KIF26B: variants seen among roughly 807,000 people sequenced by gnomAD.
KIF26B encodes kinesin-like protein KIF26B.
A neutral mutation model predicts 151.2 loss-of-function variants in KIF26B; 63 were observed. That is an observed-to-expected ratio of 0.42 (90% CI 0.34 to 0.51). KIF26B has a LOEUF of 0.51. Ranked by LOEUF, KIF26B falls within the 20% of genes least tolerant of loss-of-function variation. KIF26B has a pLI of 0.07. For synonymous variants in KIF26B, 1,357 were observed against 1,262.1 expected (o/e 1.08, Z -1.59); for missense variants, 2,813 against 2,913.6 (o/e 0.97, Z 0.79).
chr1:245,256,964 A>G (rs1182457695), intron 2 of KIF26B, among the ~76,000 whole-genome samples: 1 of 152,196 alleles, frequency 6.6e-6, no homozygotes, highest in Non-Finnish European at 1.5e-5. Flanking sequence ...CTGATCCAGT[A>G]GAGAATTAAC....
At position 245,702,368 on chromosome 1, in the gene KIF26B, T is replaced by G; in HGVS notation, c.6179-90T>G. On this transcript the variant is annotated intron_variant, in intron 14 of 14. Transcript: ENST00000407071. The surrounding 1 kb of genome is among the most constrained non-coding windows in gnomAD (Gnocchi z 4.1). Reference sequence around the variant, plus strand: ...CTAGACCTTTAGACCAAGGGGTAGATGTGGGGGTGGCAGCTCCAGGCTGAG... The same window carrying G: ...CTAGACCTTTAGACCAAGGGGTAGAGGTGGGGGTGGCAGCTCCAGGCTGAG... The G allele has an allele frequency of 7.0e-7, 1 of 1,418,838 alleles. No individual in the cohort carries two copies. The highest frequency in any genetic ancestry group is 9.8e-7 in the Non-Finnish European group (1 of 1,017,278). The allele number at this position is 1,418,838 out of a possible 1,614,324, so 87.9% of individuals were successfully genotyped here.
intron 5 of KIF26B, among the ~76,000 whole-genome samples, chr1:245,592,004 G>A (rs1368794223): frequency 1.3e-5 from 2 of 152,162 alleles, no homozygotes; most frequent in African/African-American, 2.4e-5. Context: ...TGACAGACTC[G>A]TGTTGATGAA....
chr1:245,263,506 A>G (rs1670687035), intron 2 of KIF26B, among the ~76,000 whole-genome samples: 1 of 152,224 alleles, frequency 6.6e-6, no homozygotes, highest in Non-Finnish European at 1.5e-5. Flanking sequence ...AGAGATACGC[A>G]GATACATCTC....
At chr1:245,511,424 T>C (rs1031038276) in intron 4 of KIF26B, among the ~76,000 whole-genome samples, 1 of 152,202 alleles carries the variant, frequency 6.6e-6, no homozygotes, top group African/African-American at 2.4e-5. Context: ...GAACTGACAG[T>C]CATTGCTATA....
At chr1:245,373,829 A>G (rs1425991333) in intron 3 of KIF26B, among the ~76,000 whole-genome samples, 2 of 151,646 alleles carry the variant, frequency 1.3e-5, no homozygotes, top group Non-Finnish European at 2.9e-5. Context: ...TGGGAGGCCA[A>G]GGTGAGAACT....
At chr1:245,567,410 C>G (rs1187558578) in intron 5 of KIF26B, among the ~76,000 whole-genome samples, 2 of 152,174 alleles carry the variant, frequency 1.3e-5, no homozygotes, top group Non-Finnish European at 2.9e-5. Flanking sequence ...CCTTCCCAAA[C>G]AGTGGGCAAC....
intron 3 of KIF26B, among the ~76,000 whole-genome samples, chr1:245,412,425 T>C (rs1439174016): frequency 6.6e-6 from 1 of 152,194 alleles, no homozygotes; most frequent in Non-Finnish European, 1.5e-5. Flanking sequence ...AAACGGATAC[T>C]GTTTGGTGTT....
intron 2 of KIF26B, among the ~76,000 whole-genome samples, chr1:245,213,642 A>G (rs1343771404): frequency 6.6e-6 from 1 of 152,212 alleles, no homozygotes; most frequent in Non-Finnish European, 1.5e-5. Context: ...GAGCCTGGGC[A>G]GTCAATCACC....
rs4021193 is a variant in KIF26B at position 245,510,576 on chromosome 1, TTCTCTCTCTC to T, written c.1167-30161_1167-30152del. ...TCTCGGCTGTCTCTTTTAGCAGAGC[TTCTCTCTCTC>T]TCTCTCTCTCTCTCTCTCTCTCTCT... On this transcript the variant is annotated intron_variant, in intron 4 of 14. Transcript: ENST00000407071. 4.2e-3 allele frequency among the ~76,000 whole-genome samples: 567 copies of T among 133,928 alleles called. 4 individuals are homozygous for T. Among genetic ancestry groups the T allele is most frequent in the Middle Eastern group, 0.014 (4 of 282 alleles). 87.9% of individuals were successfully genotyped at this position (133,928 alleles called of 152,430 possible).
intron 4 of KIF26B, among the ~76,000 whole-genome samples, chr1:245,519,971 G>C (rs1255407352): frequency 6.6e-6 from 1 of 152,174 alleles, no homozygotes; most frequent in Non-Finnish European, 1.5e-5. Context: ...GTTGTCATTA[G>C]TTGATAGCCT....
At chr1:245,396,822 ATT>A (rs576751032) in intron 3 of KIF26B, among the ~76,000 whole-genome samples, 464 of 152,274 alleles carry the variant, frequency 3.0e-3, no homozygotes, top group African/African-American at 0.011. Context: ...GGAATTAGTC[ATT>A]TTTATCCTCT....
intron 6 of KIF26B, among the ~76,000 whole-genome samples, chr1:245,604,670 C>T (rs2043430922): frequency 6.6e-6 from 1 of 152,106 alleles, no homozygotes; most frequent in South Asian, 2.1e-4. Context: ...AGATTTATTC[C>T]AGAAAAAGGG....
In KIF26B at chr1:245,704,858, A is replaced by C. The variant is rs527374311; in HGVS notation, c.*2252A>C. The stretch of plus-strand genomic sequence containing the variant: ...GTTGCTGGTTTCAAACATATAGTTC[A>C]TGAAAAGTCTTTAATTGGAGATTTT... On this transcript the variant is annotated 3_prime_UTR_variant, in exon 15 of 15. Coordinates refer to ENST00000407071, the MANE Select transcript of KIF26B (RefSeq NM_018012.4). 1 of 132,328 alleles carries C rather than the reference A, an allele frequency of 7.6e-6. No homozygotes were observed. Among genetic ancestry groups the C allele is most frequent in the South Asian group, 2.8e-4 (1 of 3,636 alleles). 8.2% of individuals were successfully genotyped at this position (132,328 alleles called of 1,614,324 possible).
At chr1:245,351,000 C>T (rs1031979347) in intron 2 of KIF26B, among the ~76,000 whole-genome samples, 1 of 152,156 alleles carries the variant, frequency 6.6e-6, no homozygotes, top group African/African-American at 2.4e-5. Flanking sequence ...GGGAGGAGGG[C>T]AAGGAATTGA....
intron 5 of KIF26B, among the ~76,000 whole-genome samples, chr1:245,557,002 G>A (rs1662056068): frequency 6.6e-6 from 1 of 152,174 alleles, no homozygotes; most frequent in Non-Finnish European, 1.5e-5. Context: ...AACACACTGG[G>A]AGTGGGGGAC....
At position 245,516,648 on chromosome 1, in the gene KIF26B, A is replaced by C. The variant is rs1660973625; in HGVS notation, c.1167-24119A>C. Among the ~76,000 whole-genome samples, 1 of 152,082 alleles carries C rather than the reference A, an allele frequency of 6.6e-6. No individual in the cohort carries two copies. The stretch of plus-strand genomic sequence containing the variant: ...TGGTGGGGGTGGAGATGTGGGGTGA[A>C]GTAATGAGCCCGCAAGGCCTGTCTG... On this transcript the variant is annotated intron_variant, in intron 4 of 14. Transcript: ENST00000407071. This position sits in a 1 kb window ranked among gnomAD's most constrained non-coding sequence, Gnocchi z 4.2.
intron 2 of KIF26B, among the ~76,000 whole-genome samples, chr1:245,257,699 A>T (rs1286630707): frequency 1.3e-5 from 2 of 152,148 alleles, no homozygotes; most frequent in East Asian, 3.9e-4. Flanking sequence ...CTTAGGTGGC[A>T]GAGGACAGGG....
intron 9 of KIF26B, among the ~76,000 whole-genome samples, chr1:245,628,116 C>T (rs2043743431): frequency 6.6e-6 from 1 of 152,214 alleles, no homozygotes; most frequent in Admixed American, 6.5e-5. Context: ...AGGGAATCCT[C>T]CCTAACTCAT....
intron 2 of KIF26B, among the ~76,000 whole-genome samples, chr1:245,211,015 G>A (rs1267061992): frequency 6.6e-6 from 1 of 152,184 alleles, no homozygotes; most frequent in Non-Finnish European, 1.5e-5. Flanking sequence ...TCAGGAGTAT[G>A]GCGGTTTTTA....
Sources: allele counts gnomAD v4.1 joint callset (sites outside exome capture counted in the v4.1 genomes callset), GRCh38; gene constraint gnomAD v4.1.1; non-coding constraint Gnocchi (gnomAD v3.1); transcripts MANE v1.5; gene names NCBI Gene and HGNC (gene_info 2026-07-23, HGNC 2026-07-21).